SYNPO2: variants seen among roughly 807,000 people sequenced by gnomAD.
SYNPO2 encodes synaptopodin 2, also known as synaptopodin-2.
Under a neutral mutation model 85.0 loss-of-function variants are expected in SYNPO2, and 56 were observed. The ratio of observed to expected loss-of-function variants is 0.66; its 90% CI spans 0.53 to 0.82. SYNPO2 has a LOEUF of 0.82. Ranked by LOEUF, SYNPO2 falls within the 40% of genes least tolerant of loss-of-function variation. The probability of loss-of-function intolerance (pLI) is 0.00; values close to 1 mark genes in which losing one functional copy is unlikely to be tolerated. For synonymous variants in SYNPO2, 602 were observed against 591.1 expected (o/e 1.02, Z -0.27); for missense variants, 1,575 against 1,534.2 (o/e 1.03, Z -0.44).
At position 118,950,005 on chromosome 4, in the gene SYNPO2, G is replaced by C. The variant is rs766150154; in HGVS notation, c.105+60864G>C. The stretch of plus-strand genomic sequence containing the variant: ...GCTATGAGGCCACTAGGTAGCTTTA[G>C]CTTTAAATTGCTTTCACGTTAAATA... On this transcript the variant is annotated intron_variant, in intron 1 of 4. Transcript: ENST00000307142. 1.2e-4 allele frequency among the ~76,000 whole-genome samples: 19 copies of C among 152,168 alleles called. No individual in the cohort carries two copies. The South Asian group carries it at 2.3e-3, about 18-fold the overall frequency.
chr4:118,874,658 G>T (rs1731868764), intron 1 of SYNPO2, among the ~76,000 whole-genome samples: 1 of 152,032 alleles, frequency 6.6e-6, no homozygotes. Context: ...GCTTTGTGGG[G>T]TCTAAACTGT....
rs538041256 is a variant in SYNPO2, at chr4:118,899,753, T to TTTTTG, written c.105+10632_105+10636dup. 9.9e-5 allele frequency among the ~76,000 whole-genome samples: 15 copies of TTTTTG among 152,210 alleles called. No individual in the cohort carries two copies. In the South Asian group the frequency reaches 1.0e-3, roughly 11 times the overall value. ...TTTAGTATTAAACCCTGGCTGTACTTTTTTGTTTTGTTTTGTTTTGTTTTT... is the reference window on the plus strand; with the variant it reads ...TTTAGTATTAAACCCTGGCTGTACTTTTTTGTTTTGTTTTGTTTTGTTTTGTTTTT... On this transcript the variant is annotated intron_variant, in intron 1 of 4. Coordinates refer to ENST00000307142, the MANE Select transcript of SYNPO2 (RefSeq NM_133477.3).
At chr4:118,906,217 T>A (rs1008085928) in intron 1 of SYNPO2, among the ~76,000 whole-genome samples, 7 of 152,080 alleles carry the variant, frequency 4.6e-5, no homozygotes, top group South Asian at 2.1e-4. Flanking sequence ...TTGCTTTTTT[T>A]TAAAAAAATA....
At chr4:118,859,056 A>G (rs1448768447) in intron 1 of SYNPO2, among the ~76,000 whole-genome samples, 2 of 152,188 alleles carry the variant, frequency 1.3e-5, no homozygotes, top group Non-Finnish European at 2.9e-5. Flanking sequence ...TATAACATGG[A>G]CACATCCATG....
chr4:118,876,705 CTTTCTTTCTTTCTTTCTT>C (rs1220016213), intron 1 of SYNPO2, among the ~76,000 whole-genome samples: 2 of 129,138 alleles, frequency 1.5e-5, no homozygotes, highest in Non-Finnish European at 3.3e-5. Flanking sequence ...TTCTTTCTTT[CTTTCTTTCTTTCTTTCTT>C]TCTTTCTTTC....
chr4:119,037,494 T>C, intron 4 of SYNPO2: 2 of 1,016,426 alleles, frequency 2.0e-6, no homozygotes, highest in Non-Finnish European at 2.4e-6. Flanking sequence ...ACGGTAGAAG[T>C]CAGAGAATCT....
intron 1 of SYNPO2, among the ~76,000 whole-genome samples, chr4:118,872,927 G>A (rs980425554): frequency 6.6e-6 from 1 of 152,038 alleles, no homozygotes; most frequent in African/African-American, 2.4e-5. Flanking sequence ...TGCAGTATTT[G>A]TCTTTCTGTC....
intron 1 of SYNPO2, among the ~76,000 whole-genome samples, chr4:119,000,318 T>G (rs953285936): frequency 3.3e-5 from 5 of 152,186 alleles, no homozygotes; most frequent in Non-Finnish European, 5.9e-5. Flanking sequence ...CTGTCCTTCA[T>G]TTTCCTGGGT....
At chr4:118,892,888 G>C (rs1373644873) in intron 1 of SYNPO2, among the ~76,000 whole-genome samples, 2 of 151,998 alleles carry the variant, frequency 1.3e-5, no homozygotes, top group Admixed American at 1.3e-4. Context: ...TTGGATATGT[G>C]TTCTTTAAGA....
chr4:118,871,619 A>T lies in SYNPO2; in HGVS notation c.12+20679A>T, dbSNP rs1450704253. On this transcript the variant is annotated intron_variant, in intron 1 of 4. Transcript: ENST00000610556. ...TGTCTTGCTCTGTCACCCAGGCTGG[A>T]GTGCAGTGGCACAATCTCAGCTTAC... Among the ~76,000 whole-genome samples, 5 of 148,060 alleles carry T rather than the reference A, an allele frequency of 3.4e-5. No homozygotes were observed. In the East Asian group the frequency reaches 9.9e-4, roughly 29 times the overall value.
intron 1 of SYNPO2, among the ~76,000 whole-genome samples, chr4:118,943,160 A>G (rs17261234): frequency 0.19 from 29,052 of 152,024 alleles, 3,098 homozygotes; most frequent in Middle Eastern, 0.27. Context: ...TTATTAAAGG[A>G]TGGTGTGTTG....
chr4:119,034,074 GA>G lies in SYNPO2; in HGVS notation c.3252+2053del, dbSNP rs1241864529. 22 of 985,276 alleles carry G rather than the reference GA, an allele frequency of 2.2e-5. No individual in the cohort carries two copies. The African/African-American group carries it at 3.1e-4, about 14-fold the overall frequency. 61.0% of individuals were successfully genotyped at this position (985,276 alleles called of 1,614,324 possible). The stretch of plus-strand genomic sequence containing the variant: ...CAATTAAGATTAATACAGGATAAAG[GA>G]AAAAAGCAATCTATTCATTATATAA... On this transcript the variant is annotated intron_variant, in intron 4 of 4. Coordinates refer to ENST00000307142, the MANE Select transcript of SYNPO2 (RefSeq NM_133477.3).
At chr4:118,992,082 G>A (rs955875186) in intron 1 of SYNPO2, among the ~76,000 whole-genome samples, 10 of 152,278 alleles carry the variant, frequency 6.6e-5, no homozygotes, top group African/African-American at 2.4e-4. Flanking sequence ...AAAAGAGGGC[G>A]GCAGGAGATG....
rs367711984 is a variant in SYNPO2 at position 119,031,417 on chromosome 4, C to G, written c.2642C>G (p.Ser881Trp). Residue 881 changes from serine to tryptophan, a missense_variant, in exon 4 of 5, where the codon TCG becomes TGG. Transcript: ENST00000307142. ...GCTCAGCTCTTTGCTAAAAGGCAGTCGAGAATGGAGAAGTATGTGGTCGAT... is the reference window on the plus strand; with the variant it reads ...GCTCAGCTCTTTGCTAAAAGGCAGTGGAGAATGGAGAAGTATGTGGTCGAT... ...RGAQLFAKRQ[S>W]RMEKYVVDSD... 7.4e-6 allele frequency: 12 copies of G among 1,613,990 alleles called. No homozygotes were observed. The highest frequency in any genetic ancestry group is 1.0e-5 in the Non-Finnish European group (12 of 1,180,044).
intron 1 of SYNPO2, among the ~76,000 whole-genome samples, chr4:118,987,429 G>C (rs539380734): frequency 7.9e-5 from 12 of 152,290 alleles, no homozygotes; most frequent in African/African-American, 2.9e-4. Context: ...CAGCACTTTG[G>C]AAGGCTGAGG....
At chr4:118,995,880 AT>A (rs1196610115) in intron 1 of SYNPO2, among the ~76,000 whole-genome samples, 238 of 151,196 alleles carry the variant, frequency 1.6e-3, no homozygotes, top group African/African-American at 5.7e-3. Context: ...CTATCTATCT[AT>A]CTATCTATCT....
intron 1 of SYNPO2, among the ~76,000 whole-genome samples, chr4:118,958,516 C>T (rs1341155959): frequency 1.3e-5 from 2 of 151,968 alleles, no homozygotes; most frequent in Admixed American, 6.6e-5. Context: ...TGTGTTTACC[C>T]GTTGGGATCT....
intron 3 of SYNPO2, among the ~76,000 whole-genome samples, chr4:119,029,263 G>T (rs1391423157): frequency 6.6e-6 from 1 of 152,022 alleles, no homozygotes; most frequent in Non-Finnish European, 1.5e-5. Context: ...TCCAGTAGCT[G>T]TGAGTGGAAA....
chr4:118,911,524 C>T (rs1431834768), intron 1 of SYNPO2, among the ~76,000 whole-genome samples: 4 of 152,140 alleles, frequency 2.6e-5, no homozygotes, highest in African/African-American at 9.7e-5. Flanking sequence ...CTGATCCTTT[C>T]GTTCTTTCTT....
Sources: gnomAD v4.1 joint callset for allele counts (sites outside exome capture counted in the v4.1 genomes callset) on GRCh38, gnomAD v4.1.1 for gene constraint, MANE v1.5 for transcripts, NCBI Gene and HGNC (gene_info 2026-07-23, HGNC 2026-07-21) for gene names.